The following CPEB4 variants were observed in gnomAD, a reference collection of about 807,000 sequenced individuals.
CPEB4 encodes cytoplasmic polyadenylation element binding protein 4.
A neutral mutation model predicts 72.5 loss-of-function variants in CPEB4; 12 were observed. The ratio of observed to expected loss-of-function variants is 0.17; its 90% confidence interval spans 0.11 to 0.27. The LOEUF is 0.27. Ranked by LOEUF, CPEB4 falls within the 10% of genes least tolerant of loss-of-function variation. CPEB4 has a pLI of 1.00. For missense variants in CPEB4, 614 were observed against 908.5 expected, an observed-to-expected ratio of 0.68 and a Z score of 4.17; for synonymous variants, 302 against 326.3, an observed-to-expected ratio of 0.93 and a Z score of 0.80.
Position 173,893,442 on chromosome 5 carries a change from C to A in CPEB4, c.1125+2584C>A, listed in dbSNP as rs561585926. Among the ~76,000 whole-genome samples the A allele has an allele frequency of 3.2e-4, 49 of 151,890 alleles. No homozygotes were observed. In the South Asian group the frequency reaches 0.01, roughly 32 times the overall value. ...GACCAACTTGGGCAACATAGTGAGA[C>A]CCCCGTCTCAAAAAAAAATAATTTA... On this transcript the variant is annotated intron_variant, in intron 1 of 9. Transcript: ENST00000265085.
intron 5 of CPEB4, among the ~76,000 whole-genome samples, chr5:173,946,926 A>G (rs1180105310): frequency 2.0e-5 from 3 of 152,012 alleles, no homozygotes; most frequent in Admixed American, 6.6e-5. Context: ...GTGCAATACC[A>G]TCCTGTCCTA....
At chr5:173,946,940 T>C (rs2113282280) in intron 5 of CPEB4, among the ~76,000 whole-genome samples, 1 of 152,112 alleles carries the variant, frequency 6.6e-6, no homozygotes, top group Non-Finnish European at 1.5e-5. Flanking sequence ...TGTCCTACCA[T>C]GCGCATGTTA....
At position 173,889,889 on chromosome 5, in the gene CPEB4, T is replaced by C. The variant is rs1010851187; in HGVS notation, c.156T>C (p.Asn52=). The change falls in exon 1 of 10, where the codon AAT becomes AAC. Residue 52 remains asparagine, a synonymous_variant. Transcript: ENST00000265085. ...AAFINNNTAA[N]GSSAGSAWLF... The stretch of plus-strand genomic sequence containing the variant: ...TTATAAATAATAACACAGCTGCCAA[T>C]GGCAGCAGTGCTGGGTCAGCTTGGC... The C allele has an allele frequency of 6.2e-7, 1 of 1,614,146 alleles. No homozygotes were observed. Among genetic ancestry groups the C allele is most frequent in the African/African-American group, 1.3e-5 (1 of 75,044 alleles).
intron 1 of CPEB4, among the ~76,000 whole-genome samples, chr5:173,903,126 T>C (rs141219480): frequency 1.2e-3 from 177 of 152,264 alleles, no homozygotes; most frequent in African/African-American, 4.1e-3. Flanking sequence ...TAGTATTTTA[T>C]TGTGAAAATT....
intron 3 of CPEB4, among the ~76,000 whole-genome samples, chr5:173,941,722 A>G (rs1218842726): frequency 6.6e-6 from 1 of 152,030 alleles, no homozygotes; most frequent in African/African-American, 2.4e-5. Flanking sequence ...AAAAAAAAAT[A>G]CAAAAATTAG....
chr5:173,898,707 CATTCTGTTGCCCAGACTAGAGT>C (rs1756114916), intron 1 of CPEB4, among the ~76,000 whole-genome samples: 1 of 152,190 alleles, frequency 6.6e-6, no homozygotes, highest in Admixed American at 6.5e-5. Flanking sequence ...GACAAGGTCT[CATTCTGTTGCCCAGACTAGAGT>C]GCAGTAGCGC....
intron 1 of CPEB4, among the ~76,000 whole-genome samples, chr5:173,894,620 CAAA>C (rs35059321): frequency 1.1e-4 from 10 of 90,236 alleles, no homozygotes; most frequent in Middle Eastern, 5.5e-3. Context: ...GACTCCGACT[CAAA>C]AAAAAAAAAA....
At position 173,889,163 on chromosome 5, in the gene CPEB4, A is replaced by G. The variant is rs956290925; in HGVS notation, c.-571A>G. On this transcript the variant is annotated 5_prime_UTR_variant, in exon 1 of 10. Coordinates refer to ENST00000265085, the MANE Select transcript of CPEB4 (RefSeq NM_030627.4). ...CACCCCAGATAACCTAATATAATCT[A>G]TATATATAAATATATAATATATAAT... 1 of 150,286 alleles carries G rather than the reference A, an allele frequency of 6.7e-6. No individual in the cohort carries two copies. Among genetic ancestry groups the G allele is most frequent in the Non-Finnish European group, 1.5e-5 (1 of 67,648 alleles). The allele number at this position is 150,286 out of a possible 1,614,324, so 9.3% of individuals were successfully genotyped here. A position where few individuals can be genotyped will look rare whatever the true frequency, so the allele number is the denominator to read the frequency against.
chr5:173,918,252 G>A (rs1374788753), intron 2 of CPEB4: 2 of 152,334 alleles, frequency 1.3e-5, no homozygotes, highest in East Asian at 3.9e-4. Context: ...CTTCTGTGTT[G>A]AGGTAACTTC....
intron 2 of CPEB4, among the ~76,000 whole-genome samples, chr5:173,922,200 G>C (rs529833574): frequency 1.3e-5 from 2 of 151,998 alleles, no homozygotes; most frequent in African/African-American, 2.4e-5. Context: ...TTTGACAGAG[G>C]GTAGGCATTC....
chr5:173,901,894 G>T (rs1000882054), intron 1 of CPEB4, among the ~76,000 whole-genome samples: 2 of 152,168 alleles, frequency 1.3e-5, no homozygotes, highest in Non-Finnish European at 2.9e-5. Context: ...ATGGCGCATG[G>T]TGATAGTATA....
rs535064171 is a variant in CPEB4 at position 173,950,104 on chromosome 5, C to G, written c.1665+26C>G. The G allele has an allele frequency of 1.4e-4, 192 of 1,421,278 alleles. No homozygotes were observed. The highest frequency in any genetic ancestry group is 4.0e-4 in the Admixed American group (20 of 49,664). 88.0% of individuals were successfully genotyped at this position (1,421,278 alleles called of 1,614,324 possible). The stretch of plus-strand genomic sequence containing the variant: ...GTAAGTGTGGTTTAGCATAAAATAG[C>G]TTCTTGTTTTTGCCTCCATTCATCT... On this transcript the variant is annotated intron_variant, in intron 7 of 9. Coordinates refer to ENST00000265085, the MANE Select transcript of CPEB4 (RefSeq NM_030627.4). This position sits in a 1 kb window ranked among gnomAD's most constrained non-coding sequence, Gnocchi z 5.0.
chr5:173,913,198 CTT>C (rs201042615), intron 2 of CPEB4, among the ~76,000 whole-genome samples: 49 of 138,974 alleles, frequency 3.5e-4, no homozygotes, highest in Admixed American at 5.1e-4. Context: ...ACACATTATT[CTT>C]TTTTTTTTTT....
chr5:173,906,309 C>T (rs1223951272), intron 1 of CPEB4, among the ~76,000 whole-genome samples: 1 of 152,128 alleles, frequency 6.6e-6, no homozygotes, highest in Non-Finnish European at 1.5e-5. Context: ...GGTACAGACA[C>T]ATTTTAGGAT....
intron 2 of CPEB4, among the ~76,000 whole-genome samples, chr5:173,914,237 A>G (rs1756781495): frequency 6.6e-6 from 1 of 152,156 alleles, no homozygotes; most frequent in Non-Finnish European, 1.5e-5. Flanking sequence ...TTGTCAAACT[A>G]TCTTCTGATT....
chr5:173,944,292 A>G (rs187231504), intron 4 of CPEB4, among the ~76,000 whole-genome samples: 1 of 152,284 alleles, frequency 6.6e-6, no homozygotes, highest in Admixed American at 6.5e-5. Context: ...GGTAAATAAA[A>G]ATGAGTGGTC....
rs76815179 is a variant in CPEB4 at position 173,948,574 on chromosome 5, G to A, written c.1457-934G>A. 5.4e-3 allele frequency among the ~76,000 whole-genome samples: 828 copies of A among 152,264 alleles called. 14 individuals are homozygous for A. The highest frequency in any genetic ancestry group is 0.042 in the South Asian group (203 of 4,818). The stretch of plus-strand genomic sequence containing the variant: ...ATGGTGATATTCCAGTTTGGAATAC[G>A]TCACATGATTCTGCTCATAGGAGGG... On this transcript the variant is annotated intron_variant, in intron 5 of 9. Transcript: ENST00000265085.
In CPEB4 at chr5:173,941,786, G is replaced by A. The variant is rs142805211; in HGVS notation, c.1259-1240G>A. ...CCAGGTACTGGGGAGGCTGAGGCAC[G>A]AGAATCGCTTGAACCCGGGAGGCGG... On this transcript the variant is annotated intron_variant, in intron 3 of 9. Coordinates refer to ENST00000265085, the MANE Select transcript of CPEB4 (RefSeq NM_030627.4). 4.6e-4 allele frequency among the ~76,000 whole-genome samples: 70 copies of A among 152,300 alleles called. 1 individual carries two copies. The East Asian group carries it at 0.01, about 23-fold the overall frequency.
rs1161295973 is a variant in CPEB4 at position 173,929,684 on chromosome 5, T to TGA, written c.1208-2763_1208-2762dup. The stretch of plus-strand genomic sequence containing the variant: ...CTGCACTCCAGCCTGGGCAACAGAG[T>TGA]GAGACCCTGTCTCAAAAATTAAAAT... On this transcript the variant is annotated intron_variant, in intron 2 of 9. Transcript: ENST00000265085. 3.3e-5 allele frequency among the ~76,000 whole-genome samples: 5 copies of TGA among 152,156 alleles called. No homozygotes were observed. The South Asian group carries it at 8.3e-4, about 25-fold the overall frequency.
Sources: gnomAD v4.1 joint callset for allele counts (sites outside exome capture counted in the v4.1 genomes callset) on GRCh38, gnomAD v4.1.1 for gene constraint, Gnocchi (gnomAD v3.1) non-coding constraint, MANE v1.5 for transcripts, NCBI Gene and HGNC (gene_info 2026-07-23, HGNC 2026-07-21) for gene names.